The following PKD1L1 variants were observed in gnomAD, a reference collection of about 807,000 sequenced individuals.
PKD1L1 encodes polycystin 1 like 1, transient receptor potential channel interacting, also known as polycystin-1-like protein 1.
Under a neutral mutation model 323.4 loss-of-function variants are expected in PKD1L1, and 236 were observed. The observed-to-expected ratio is 0.73, with a 90% CI of 0.66 to 0.81. The LOEUF is 0.81. PKD1L1 is among the 40% of genes least tolerant of loss of function. The probability of loss-of-function intolerance (pLI) is 0.00; values close to 1 mark genes in which losing one functional copy is unlikely to be tolerated. For synonymous variants in PKD1L1, 1,344 were observed against 1,335.0 expected (o/e 1.01, Z -0.15); for missense variants, 3,320 against 3,508.0 (o/e 0.95, Z 1.35).
chr7:47,933,378 G>A (rs1302001429), intron 4 of PKD1L1, among the ~76,000 whole-genome samples: 1 of 152,074 alleles, frequency 6.6e-6, no homozygotes, highest in East Asian at 1.9e-4. Flanking sequence ...TAAAACTTGA[G>A]CCTCTCATTT....
chr7:47,781,399 G>T (rs746525591), intron 56 of PKD1L1, among the ~76,000 whole-genome samples: 758 of 71,450 alleles, frequency 0.011, 6 homozygotes, highest in East Asian at 0.037. Context: ...TTTTTTTTTT[G>T]TTTTGTTTTG....
rs765051748 is a variant in PKD1L1, at chr7:47,812,071, G to A, written c.7347-20C>T. ...TCAGTCCTGTAAAACAGCACACACT[G>A]GGGTAGGGCAGGGCAGGGAGAAAGG... On this transcript the variant is annotated intron_variant, in intron 49 of 56. Coordinates refer to ENST00000289672, the MANE Select transcript of PKD1L1 (RefSeq NM_138295.5). 5.2e-6 allele frequency: 8 copies of A among 1,546,976 alleles called. 1 individual carries two copies. The South Asian group carries it at 9.5e-5, about 18-fold the overall frequency.
At chr7:47,887,456 C>T (rs144199623) in intron 17 of PKD1L1, among the ~76,000 whole-genome samples, 15 of 152,340 alleles carry the variant, frequency 9.8e-5, no homozygotes, top group Non-Finnish European at 2.2e-4. Flanking sequence ...GTGCCCAGCA[C>T]GCTGCAACAC....
chr7:47,868,843 C>G (rs1786223648), intron 24 of PKD1L1, among the ~76,000 whole-genome samples: 1 of 152,144 alleles, frequency 6.6e-6, no homozygotes, highest in South Asian at 2.1e-4. Flanking sequence ...GCACTGCACT[C>G]CAGCCTGGGC....
At chr7:47,923,328 T>C (rs988356507) in intron 7 of PKD1L1, among the ~76,000 whole-genome samples, 10 of 65,016 alleles carry the variant, frequency 1.5e-4, no homozygotes, top group African/African-American at 8.8e-4. Context: ...GAATGATCAA[T>C]AAATACTAAA....
rs143678556 is a variant in PKD1L1, at chr7:47,866,491, G to A, written c.4020C>T (p.Ala1340=). ...LSRLSKEDKT[A]SCNQWSRIQD... ...GTATTCGTGACCATTGGTTGCAGGA[G>A]GCAGTTTTGTCCTCCTTAGACAAAC... is the stretch of plus-strand genomic sequence containing the variant. Residue 1340 remains alanine, a synonymous_variant, in exon 25 of 57, where the codon GCC becomes GCT. Transcript: ENST00000289672. 245 of 1,613,820 alleles carry A rather than the reference G, an allele frequency of 1.5e-4. No individual in the cohort carries two copies. The highest frequency in any genetic ancestry group is 3.3e-4 in the Admixed American group (20 of 59,960).
chr7:47,860,942 C>G (rs1215918769), intron 26 of PKD1L1, among the ~76,000 whole-genome samples: 1 of 152,114 alleles, frequency 6.6e-6, no homozygotes, highest in Admixed American at 6.5e-5. Flanking sequence ...TGATGCTCAC[C>G]AGGGGAAGGT....
chr7:47,803,124 G>A (rs1182051960), intron 53 of PKD1L1, 86 bp downstream of exon 53: 18 of 1,543,148 alleles, frequency 1.2e-5, no homozygotes, highest in Non-Finnish European at 1.5e-5. Context: ...CTTGAGAGCA[G>A]TTTGTTTTTC....
chr7:47,874,366 ATCAGGC>A (rs1311027302), intron 23 of PKD1L1, among the ~76,000 whole-genome samples: 2 of 152,212 alleles, frequency 1.3e-5, no homozygotes, highest in African/African-American at 4.8e-5. Flanking sequence ...GGACCTGCAG[ATCAGGC>A]TCAGAGTGCA....
At chr7:47,926,197 C>T (rs1039038841) in intron 7 of PKD1L1, among the ~76,000 whole-genome samples, 18 of 152,238 alleles carry the variant, frequency 1.2e-4, no homozygotes, top group Admixed American at 1.2e-3. Flanking sequence ...AAGGCTGCTA[C>T]CTGGAGGCTT....
intron 26 of PKD1L1, among the ~76,000 whole-genome samples, chr7:47,860,257 T>G (rs1303765724): frequency 1.3e-5 from 2 of 152,234 alleles, no homozygotes; most frequent in Non-Finnish European, 2.9e-5. Context: ...CGAGACAAAG[T>G]CAGCTGCATC....
chr7:47,897,872 A>G (rs1786992166), intron 14 of PKD1L1, 116 bp downstream of exon 14: 1 of 802,754 alleles, frequency 1.2e-6, no homozygotes, highest in African/African-American at 1.8e-5. Context: ...TTTTTAAACA[A>G]CCTCCCTTTT....
At chr7:47,880,655 A>C (rs1786532420) in intron 21 of PKD1L1, 73 bp downstream of exon 21, 1 of 1,235,102 alleles carries the variant, frequency 8.1e-7, no homozygotes, top group South Asian at 1.4e-5. Context: ...CCCATTCCTT[A>C]GGAAGAGTAA....
intron 31 of PKD1L1, among the ~76,000 whole-genome samples, chr7:47,849,176 T>C (rs1269100088): frequency 6.6e-6 from 1 of 152,210 alleles, no homozygotes; most frequent in Non-Finnish European, 1.5e-5. Context: ...TCCTCATCTC[T>C]CATTTTATGT....
At chr7:47,861,201 T>G (rs1786015628) in intron 26 of PKD1L1, among the ~76,000 whole-genome samples, 1 of 152,234 alleles carries the variant, frequency 6.6e-6, no homozygotes, top group Non-Finnish European at 1.5e-5. Flanking sequence ...TTACAGCAGC[T>G]AACATTATTT....
chr7:47,896,910 C>T (rs1333154837), intron 14 of PKD1L1, among the ~76,000 whole-genome samples: 1 of 152,198 alleles, frequency 6.6e-6, no homozygotes, highest in African/African-American at 2.4e-5. Context: ...CCCAACATCC[C>T]ATCCTTCAGT....
intron 26 of PKD1L1, among the ~76,000 whole-genome samples, chr7:47,860,977 A>G (rs547789651): frequency 6.6e-5 from 10 of 152,298 alleles, no homozygotes; most frequent in Admixed American, 6.5e-4. Flanking sequence ...GTGCACCTGC[A>G]GCGCCACATG....
At position 47,892,845 on chromosome 7, in the gene PKD1L1, G is replaced by A. The variant is rs114851684; in HGVS notation, c.2453+1033C>T. Among the ~76,000 whole-genome samples the A allele has an allele frequency of 7.6e-3, 1,155 of 152,144 alleles. 19 individuals carry two copies. The highest frequency in any genetic ancestry group is 0.026 in the African/African-American group (1,080 of 41,484). On this transcript the variant is annotated intron_variant, in intron 15 of 56. Coordinates refer to ENST00000289672, the MANE Select transcript of PKD1L1 (RefSeq NM_138295.5). ...CTGGCAGCTCAAACCACAATGTACC[G>A]GGGGTAGGGGAGGTGGTGTGGAACT...
intron 56 of PKD1L1, among the ~76,000 whole-genome samples, chr7:47,790,574 G>A (rs1186854556): frequency 3.3e-5 from 5 of 151,900 alleles, no homozygotes; most frequent in African/African-American, 4.8e-5. Context: ...CTCGTGATCC[G>A]CCCACCTCGG....
Sources: allele counts gnomAD v4.1 joint callset (sites outside exome capture counted in the v4.1 genomes callset), GRCh38; gene constraint gnomAD v4.1.1; transcripts MANE v1.5; gene names NCBI Gene and HGNC (gene_info 2026-07-23, HGNC 2026-07-21).